SGCZ: variants seen among roughly 807,000 people sequenced by gnomAD.
The protein encoded by SGCZ is sarcoglycan zeta.
In SGCZ, 40 loss-of-function variants were observed where a neutral mutation model predicts 41.3. The ratio of observed to expected loss-of-function variants is 0.97; its 90% CI spans 0.75 to 1.26. The LOEUF is 1.26. Ranked by LOEUF, SGCZ falls within the 50% of genes most tolerant of loss-of-function variation. The pLI is 0.00. For synonymous variants in SGCZ, 206 were observed against 137.5 expected (o/e 1.50, Z -3.49); for missense variants, 552 against 369.8 (o/e 1.49, Z -4.04).
At chr8:14,369,745 T>C (rs536418324) in intron 2 of SGCZ, among the ~76,000 whole-genome samples, 1 of 152,104 alleles carries the variant, frequency 6.6e-6, no homozygotes, top group South Asian at 2.1e-4. Flanking sequence ...ATTTACTTCT[T>C]GCTATTCTAC....
intron 1 of SGCZ, among the ~76,000 whole-genome samples, chr8:14,806,357 G>A (rs1244130005): frequency 4.0e-5 from 6 of 150,224 alleles, no homozygotes; most frequent in Non-Finnish European, 7.4e-5. Context: ...GAAAAAAAGA[G>A]AGAAGAATCA....
At chr8:14,397,179 TGA>T (rs1461745782) in intron 2 of SGCZ, among the ~76,000 whole-genome samples, 4 of 152,136 alleles carry the variant, frequency 2.6e-5, no homozygotes, top group Admixed American at 2.0e-4. Context: ...CACTTCACCT[TGA>T]GAGATGTTTA....
At chr8:14,872,312 T>C (rs935679000) in intron 1 of SGCZ, among the ~76,000 whole-genome samples, 27 of 152,210 alleles carry the variant, frequency 1.8e-4, no homozygotes, top group African/African-American at 6.5e-4. Context: ...GAACTTAAAC[T>C]ATAATTTTTT....
intron 1 of SGCZ, among the ~76,000 whole-genome samples, chr8:15,006,112 T>G (rs1324002971): frequency 6.6e-6 from 1 of 152,216 alleles, no homozygotes; most frequent in Admixed American, 6.5e-5. Context: ...GTATTTTATA[T>G]TTATGCATTG....
At chr8:14,555,230 A>G (rs1249767006) in intron 1 of SGCZ, among the ~76,000 whole-genome samples, 1 of 151,990 alleles carries the variant, frequency 6.6e-6, no homozygotes, top group Admixed American at 6.6e-5. Flanking sequence ...ACCTCCAGTT[A>G]CCGGTAACTA....
intron 4 of SGCZ, among the ~76,000 whole-genome samples, chr8:14,165,743 C>CTTTA (rs1008310689): frequency 1.3e-5 from 2 of 152,128 alleles, no homozygotes; most frequent in African/African-American, 4.8e-5. Flanking sequence ...TATGTATTCA[C>CTTTA]TTTATTTATT....
At chr8:14,459,313 T>C (rs916261070) in intron 2 of SGCZ, among the ~76,000 whole-genome samples, 12 of 152,094 alleles carry the variant, frequency 7.9e-5, no homozygotes, top group Non-Finnish European at 1.5e-5. Context: ...ATATACCTAA[T>C]GTTAAATGAC....
At chr8:14,594,180 AT>A (rs1404765179) in intron 1 of SGCZ, among the ~76,000 whole-genome samples, 3 of 4,390 alleles carry the variant, frequency 6.8e-4, no homozygotes, top group Admixed American at 3.1e-3. Flanking sequence ...ATCTCAAAAA[AT>A]AAATAAATAA....
At position 15,056,316 on chromosome 8, in the gene SGCZ, T is replaced by C. The variant is rs150697528; in HGVS notation, c.39+181269A>G. Among the ~76,000 whole-genome samples the C allele has an allele frequency of 3.9e-5, 6 of 152,352 alleles. No homozygotes were observed. In the East Asian group the frequency reaches 1.2e-3, roughly 29 times the overall value. On this transcript the variant is annotated intron_variant, in intron 1 of 7. Coordinates refer to ENST00000382080, the MANE Select transcript of SGCZ (RefSeq NM_139167.4). Reference sequence around the variant, plus strand: ...ATGAACTGATCTGAGAGGAATATGTTATTGTTTTCTGTTCTATTGTGAATG... The same window carrying C: ...ATGAACTGATCTGAGAGGAATATGTCATTGTTTTCTGTTCTATTGTGAATG...
intron 3 of SGCZ, among the ~76,000 whole-genome samples, chr8:14,241,188 A>G (rs1022398027): frequency 6.6e-6 from 1 of 151,928 alleles, no homozygotes; most frequent in Non-Finnish European, 1.5e-5. Context: ...TATATCCTTT[A>G]TATTATACTT....
At chr8:14,225,154 A>G (rs900545680) in intron 4 of SGCZ, among the ~76,000 whole-genome samples, 15 of 152,048 alleles carry the variant, frequency 9.9e-5, no homozygotes, top group African/African-American at 3.1e-4. Context: ...CCTCTTATCA[A>G]TGTGATAATG....
intron 2 of SGCZ, among the ~76,000 whole-genome samples, chr8:14,514,688 T>C (rs913466552): frequency 2.0e-5 from 3 of 149,310 alleles, no homozygotes; most frequent in Non-Finnish European, 3.0e-5. Flanking sequence ...TATACGTATA[T>C]ATTTACATAT....
intron 1 of SGCZ, among the ~76,000 whole-genome samples, chr8:14,914,230 G>GTA (rs202048346): frequency 2.1e-4 from 29 of 140,558 alleles, no homozygotes; most frequent in African/African-American, 3.3e-4. Flanking sequence ...ATATGTATGC[G>GTA]TATATATATA....
At chr8:15,005,612 A>T (rs1179928623) in intron 1 of SGCZ, among the ~76,000 whole-genome samples, 2 of 149,020 alleles carry the variant, frequency 1.3e-5, no homozygotes, top group African/African-American at 2.5e-5. Flanking sequence ...GATGACAGGC[A>T]TGAGCCACTG....
intron 1 of SGCZ, among the ~76,000 whole-genome samples, chr8:15,170,782 T>C (rs1413743395): frequency 6.6e-6 from 1 of 152,210 alleles, no homozygotes; most frequent in Non-Finnish European, 1.5e-5. Flanking sequence ...CTGAGCTCCC[T>C]ATAGGAATAA....
chr8:14,189,314 T>G (rs1048108052), intron 4 of SGCZ, among the ~76,000 whole-genome samples: 2 of 152,156 alleles, frequency 1.3e-5, no homozygotes, highest in Non-Finnish European at 2.9e-5. Flanking sequence ...TAAATGAAAA[T>G]CAAACTGTAA....
chr8:14,154,766 T>C (rs11996956), intron 5 of SGCZ, among the ~76,000 whole-genome samples: 40 of 152,148 alleles, frequency 2.6e-4, no homozygotes, highest in African/African-American at 9.7e-4. Context: ...AGGCTTACTC[T>C]TCTAATACAG....
chr8:14,691,301 G>A (rs774549038), intron 1 of SGCZ, among the ~76,000 whole-genome samples: 3 of 152,012 alleles, frequency 2.0e-5, no homozygotes, highest in Non-Finnish European at 1.5e-5. Flanking sequence ...TAAAATGTTG[G>A]AATATTTATT....
At chr8:14,202,331 T>C (rs933399905) in intron 4 of SGCZ, among the ~76,000 whole-genome samples, 3 of 152,176 alleles carry the variant, frequency 2.0e-5, no homozygotes, top group African/African-American at 7.2e-5. Flanking sequence ...ACAGTCCTGC[T>C]GACATCTTGA....
Sources: gnomAD v4.1 joint callset for allele counts (sites outside exome capture counted in the v4.1 genomes callset) on GRCh38, gnomAD v4.1.1 for gene constraint, MANE v1.5 for transcripts, NCBI Gene and HGNC (gene_info 2026-07-23, HGNC 2026-07-21) for gene names.